Variants in SUGCT observed in about 807,000 individuals in gnomAD.
The protein encoded by SUGCT is succinyl-CoA:glutarate-CoA transferase, also known as succinyl-CoA:glutarate CoA-transferase.
In SUGCT, 41 loss-of-function variants were observed where a neutral mutation model predicts 55.0. The ratio of observed to expected loss-of-function variants is 0.74; its 90% CI spans 0.58 to 0.97. The LOEUF (loss-of-function observed/expected upper bound fraction) is 0.97, where lower values mean the gene tolerates loss of function less well. Ranked by LOEUF, SUGCT falls within the 50% of genes least tolerant of loss-of-function variation. The pLI is 0.00. For missense variants in SUGCT, 568 were observed against 547.8 expected (o/e 1.04, Z -0.37); for synonymous variants, 187 against 200.4 (o/e 0.93, Z 0.56).
At chr7:40,397,979 C>T (rs1785835991) in intron 9 of SUGCT, among the ~76,000 whole-genome samples, 1 of 152,204 alleles carries the variant, frequency 6.6e-6, no homozygotes, top group Non-Finnish European at 1.5e-5. Flanking sequence ...TCTAGCTTAC[C>T]TAACACAGGG....
At chr7:40,659,303 GT>G (rs1801188611) in intron 12 of SUGCT, among the ~76,000 whole-genome samples, 1 of 152,120 alleles carries the variant, frequency 6.6e-6, no homozygotes, top group African/African-American at 2.4e-5. Context: ...TCATCTGAAG[GT>G]TTTATTGGGG....
At chr7:40,628,281 G>T (rs895016750) in intron 12 of SUGCT, among the ~76,000 whole-genome samples, 1 of 152,216 alleles carries the variant, frequency 6.6e-6, no homozygotes, top group African/African-American at 2.4e-5. Context: ...TGTTTAAATA[G>T]GCTTATTGAA....
chr7:40,470,181 C>T (rs1434091410), intron 11 of SUGCT, among the ~76,000 whole-genome samples: 2 of 152,048 alleles, frequency 1.3e-5, no homozygotes, highest in Non-Finnish European at 1.5e-5. Context: ...TGGAGTTTGA[C>T]TCAGTCAAAT....
chr7:40,922,718 T>C, the SUGCT span, among the ~76,000 whole-genome samples: 2 of 152,262 alleles, frequency 1.3e-5, no homozygotes, highest in Non-Finnish European at 2.9e-5. Flanking sequence ...AAAGGTGCCC[T>C]TGACAGTTGC....
intron 12 of SUGCT, among the ~76,000 whole-genome samples, chr7:40,523,650 T>G (rs1793667316): frequency 6.6e-6 from 1 of 152,102 alleles, no homozygotes; most frequent in Non-Finnish European, 1.5e-5. Context: ...TCTACTTCTT[T>G]GCCTTTTCCA....
chr7:40,236,839 T>C (rs535450678), intron 6 of SUGCT, among the ~76,000 whole-genome samples: 6 of 150,456 alleles, frequency 4.0e-5, no homozygotes, highest in African/African-American at 1.5e-4. Context: ...AATTATTTCC[T>C]TTTTTTTTGT....
intron 1 of SUGCT, among the ~76,000 whole-genome samples, chr7:40,179,151 C>T (rs1384119627): frequency 6.6e-6 from 1 of 152,128 alleles, no homozygotes; most frequent in Non-Finnish European, 1.5e-5. Flanking sequence ...AAAAAAGGAT[C>T]ATTCTCACTG....
chr7:40,875,907 AAAT>A, the SUGCT span, among the ~76,000 whole-genome samples: 1 of 152,208 alleles, frequency 6.6e-6, no homozygotes, highest in African/African-American at 2.4e-5. Flanking sequence ...CATGAACAAG[AAAT>A]AATGCCACAG....
intron 12 of SUGCT, among the ~76,000 whole-genome samples, chr7:40,664,099 C>T (rs1040938931): frequency 4.6e-5 from 7 of 152,176 alleles, no homozygotes; most frequent in African/African-American, 9.6e-5. Flanking sequence ...CTTCTCTTAA[C>T]GTCCTCAGAA....
chr7:40,932,760 T>TTA, the SUGCT span, among the ~76,000 whole-genome samples: 5 of 151,608 alleles, frequency 3.3e-5, no homozygotes, highest in Middle Eastern at 3.4e-3. Context: ...TGCTTTTTTT[T>TTA]TTTTTTTTGC....
chr7:41,035,257 A>C, the SUGCT span, among the ~76,000 whole-genome samples: 3 of 152,236 alleles, frequency 2.0e-5, no homozygotes, highest in Non-Finnish European at 4.4e-5. Flanking sequence ...AGGAATCCAA[A>C]TAAGATGAAT....
rs200216574 is a variant in SUGCT, at chr7:40,296,544, A to AT, written c.721-20207dup. 7.0e-4 allele frequency among the ~76,000 whole-genome samples: 106 copies of AT among 150,944 alleles called. 2 individuals carry two copies. The South Asian group carries it at 0.018, about 26-fold the overall frequency. On this transcript the variant is annotated intron_variant, in intron 8 of 13. Coordinates refer to ENST00000335693, the MANE Select transcript of SUGCT (RefSeq NM_001193313.2). ...AATATTTTAATTTCAATGCAATGCA[A>AT]TTTTTTTTTCCCTTATAAGGCAAAA...
intron 7 of SUGCT, among the ~76,000 whole-genome samples, chr7:40,267,858 G>A (rs1009465220): frequency 1.3e-5 from 2 of 152,294 alleles, no homozygotes; most frequent in African/African-American, 4.8e-5. Flanking sequence ...CATTTTCACA[G>A]TATGAGCATA....
the SUGCT span, among the ~76,000 whole-genome samples, chr7:40,899,253 C>T: frequency 3.3e-5 from 5 of 152,192 alleles, no homozygotes; most frequent in African/African-American, 9.6e-5. Flanking sequence ...CCTCACCAAC[C>T]CTGACTGGCA....
At chr7:40,798,669 T>C (rs1428735416) in intron 13 of SUGCT, among the ~76,000 whole-genome samples, 1 of 152,204 alleles carries the variant, frequency 6.6e-6, no homozygotes, top group Non-Finnish European at 1.5e-5. Context: ...ACCACTTATT[T>C]TGTCTGTTTC....
intron 9 of SUGCT, among the ~76,000 whole-genome samples, chr7:40,379,438 C>T (rs1006118429): frequency 2.6e-5 from 4 of 152,060 alleles, no homozygotes; most frequent in Non-Finnish European, 5.9e-5. Flanking sequence ...TTCCCACATG[C>T]CTTGTATTTT....
the SUGCT span, among the ~76,000 whole-genome samples, chr7:40,991,336 C>T: frequency 2.6e-5 from 4 of 151,964 alleles, no homozygotes; most frequent in African/African-American, 9.7e-5. Flanking sequence ...CACCTCAAAA[C>T]AATTGCAATA....
the SUGCT span, among the ~76,000 whole-genome samples, chr7:41,037,244 C>T: frequency 4.6e-5 from 7 of 151,890 alleles, no homozygotes; most frequent in African/African-American, 1.2e-4. Flanking sequence ...CCTCTGAAGC[C>T]GAATCATTTC....
intron 1 of SUGCT, among the ~76,000 whole-genome samples, chr7:40,144,672 AG>A (rs1788155002): frequency 1.3e-5 from 2 of 152,226 alleles, no homozygotes; most frequent in African/African-American, 4.8e-5. Context: ...AGATAAACCA[AG>A]TATACAATTT....
Sources: allele counts gnomAD v4.1 joint callset (sites outside exome capture counted in the v4.1 genomes callset), GRCh38; gene constraint gnomAD v4.1.1; transcripts MANE v1.5; gene names NCBI Gene and HGNC (gene_info 2026-07-23, HGNC 2026-07-21).